Variants in ATP6V0D2 observed in about 807,000 individuals in gnomAD.
ATP6V0D2 encodes ATPase H+ transporting V0 subunit d2.
A neutral mutation model predicts 40.0 loss-of-function variants in ATP6V0D2; 40 were observed. The observed-to-expected ratio is 1.00, with a 90% CI of 0.78 to 1.30. The LOEUF (loss-of-function observed/expected upper bound fraction) is 1.30. Ranked by LOEUF, ATP6V0D2 falls within the 50% of genes most tolerant of loss-of-function variation. ATP6V0D2 has a pLI of 0.00. For synonymous variants in ATP6V0D2, 179 were observed against 156.3 expected (o/e 1.15, Z -1.08); for missense variants, 470 against 423.1 (o/e 1.11, Z -0.97).
chr8:86,099,274 GA>G (rs1040731364), intron 1 of ATP6V0D2, among the ~76,000 whole-genome samples, 166 bp downstream of exon 1: 20 of 150,402 alleles, frequency 1.3e-4, no homozygotes, highest in South Asian at 8.4e-4. Flanking sequence ...CTTGAATGAG[GA>G]AAAAAAAATA....
intron 5 of ATP6V0D2, among the ~76,000 whole-genome samples, chr8:86,148,277 G>T (rs919356336): frequency 1.3e-5 from 2 of 152,068 alleles, no homozygotes; most frequent in Non-Finnish European, 2.9e-5. Context: ...GACAGGACTG[G>T]TTATATTCAG....
chr8:86,143,806 G>T (rs1819009578), intron 5 of ATP6V0D2, among the ~76,000 whole-genome samples: 1 of 152,094 alleles, frequency 6.6e-6, no homozygotes, highest in Admixed American at 6.6e-5. Context: ...GAGTTGCTCT[G>T]GTTCAAATGC....
rs550703341 is a variant in ATP6V0D2 at position 86,146,747 on chromosome 8, C to G, written c.640-3365C>G. On this transcript the variant is annotated intron_variant, in intron 5 of 7. Transcript: ENST00000285393. Reference sequence around the variant, plus strand: ...GTTTTTATTTATACAGAAATATCAGCTACACAGGGCATGAGGTTATAACAT... The same window carrying G: ...GTTTTTATTTATACAGAAATATCAGGTACACAGGGCATGAGGTTATAACAT... Among the ~76,000 whole-genome samples, 15 of 152,198 alleles carry G rather than the reference C, an allele frequency of 9.9e-5. 1 individual carries two copies. The South Asian group carries it at 3.1e-3, about 32-fold the overall frequency.
chr8:86,154,108 T>C lies in ATP6V0D2; in HGVS notation c.*1131T>C, dbSNP rs1225385908. On this transcript the variant is annotated 3_prime_UTR_variant, in exon 8 of 8. Transcript: ENST00000285393. ...GTTTTTGTTTTCTAATATACTTTGA[T>C]GTAATCAGCTTGAGAAAGCAACACA... 1 of 152,132 alleles carries C rather than the reference T, an allele frequency of 6.6e-6. No homozygotes were observed. Among genetic ancestry groups the C allele is most frequent in the African/African-American group, 2.4e-5 (1 of 41,434 alleles). 9.4% of individuals were successfully genotyped at this position (152,132 alleles called of 1,614,324 possible).
chr8:86,099,204 T>A, intron 1 of ATP6V0D2, 96 bp downstream of exon 1: 1 of 1,360,022 alleles, frequency 7.4e-7, no homozygotes, highest in East Asian at 2.6e-5. Context: ...CATAATCATA[T>A]GGTTTGAGAG....
intron 2 of ATP6V0D2, among the ~76,000 whole-genome samples, chr8:86,118,115 A>C (rs1586090111): frequency 4.7e-5 from 3 of 63,722 alleles, no homozygotes; most frequent in Non-Finnish European, 8.8e-5. Context: ...ACGGAGTTTC[A>C]CCCTTGTTGT....
chr8:86,141,570 A>G (rs1202562947), intron 4 of ATP6V0D2, 41 bp downstream of exon 4: 1 of 1,426,354 alleles, frequency 7.0e-7, no homozygotes, highest in Non-Finnish European at 9.7e-7. Context: ...TTGATTACAC[A>G]ATGTATTGTG....
chr8:86,139,168 C>T lies in ATP6V0D2; in HGVS notation c.303-289C>T, dbSNP rs1241552906. On this transcript the variant is annotated intron_variant, in intron 2 of 7. Transcript: ENST00000285393. Reference sequence around the variant, plus strand: ...ACTTGAACCCAGGAGGCGGAGGTTGCAGTAAGCCAAGATTGGGCCACTGCA... The same window carrying T: ...ACTTGAACCCAGGAGGCGGAGGTTGTAGTAAGCCAAGATTGGGCCACTGCA... Among the ~76,000 whole-genome samples, 5 of 148,034 alleles carry T rather than the reference C, an allele frequency of 3.4e-5. No homozygotes were observed. The East Asian group carries it at 9.9e-4, about 29-fold the overall frequency.
chr8:86,108,618 A>G (rs926249617), intron 1 of ATP6V0D2, among the ~76,000 whole-genome samples: 3 of 152,150 alleles, frequency 2.0e-5, no homozygotes, highest in African/African-American at 7.2e-5. Flanking sequence ...TATTTTTAGT[A>G]GAGACGGGGT....
At chr8:86,141,156 C>A (rs1028428365) in intron 3 of ATP6V0D2, among the ~76,000 whole-genome samples, 1 of 152,198 alleles carries the variant, frequency 6.6e-6, no homozygotes, top group African/African-American at 2.4e-5. Context: ...CACTCTCTGG[C>A]CCACTGTTCA....
In ATP6V0D2 at chr8:86,150,275, C is replaced by T. The variant is rs777381409; in HGVS notation, c.803C>T (p.Ala268Val). The T allele has an allele frequency of 1.1e-5, 17 of 1,613,108 alleles. No individual in the cohort carries two copies. The highest frequency in any genetic ancestry group is 3.3e-5 in the Admixed American group (2 of 59,870). ...GACTTTGACCAGATGAAGAACGTAG[C>T]GGATCATTACGGAGTATGTGATGAC... ...AEDFDQMKNV[A>V]DHYGVYKPLF... is the part of the protein sequence containing the mutation. The change falls in exon 6 of 8, where the codon GCG becomes GTG. Residue 268 changes from alanine (A) to valine (V), a missense_variant. By Grantham distance (64) the Ala-to-Val change is moderately conservative. Transcript: ENST00000285393.
chr8:86,113,957 C>G, intron 2 of ATP6V0D2, 77 bp downstream of exon 2: 1 of 1,365,664 alleles, frequency 7.3e-7, no homozygotes, highest in South Asian at 1.6e-5. Context: ...GGGTGGGTAT[C>G]AAGCCAGAGT....
intron 3 of ATP6V0D2, 122 bp from the exon 4 acceptor site, chr8:86,141,328 G>C: frequency 1.6e-6 from 1 of 624,060 alleles, no homozygotes. Flanking sequence ...GGAGTGTATG[G>C]ATTGCAACTC....
chr8:86,131,098 C>T (rs900635), intron 2 of ATP6V0D2, among the ~76,000 whole-genome samples: 151,808 of 152,282 alleles, frequency 1, 75,669 homozygotes, highest in Middle Eastern at 1. Context: ...TTTAATCATA[C>T]ACCTATCATT....
At chr8:86,151,888 A>T (rs111650703) in intron 7 of ATP6V0D2, among the ~76,000 whole-genome samples, 274 of 151,676 alleles carry the variant, frequency 1.8e-3, no homozygotes, top group African/African-American at 6.4e-3. Context: ...TTAGTGTAAA[A>T]TTTTGGTTAA....
At chr8:86,125,900 AT>A (rs969661795) in intron 2 of ATP6V0D2, among the ~76,000 whole-genome samples, 1 of 150,058 alleles carries the variant, frequency 6.7e-6, no homozygotes, top group Non-Finnish European at 1.5e-5. Flanking sequence ...TATTTAATAT[AT>A]TTTTAATTTA....
intron 2 of ATP6V0D2, among the ~76,000 whole-genome samples, chr8:86,127,281 A>G (rs551383045): frequency 7.2e-4 from 109 of 152,324 alleles, no homozygotes; most frequent in African/African-American, 2.5e-3. Context: ...ATAACAAAAA[A>G]TGTTTACCAA....
intron 1 of ATP6V0D2, among the ~76,000 whole-genome samples, chr8:86,109,671 G>A (rs1818508280): frequency 6.6e-6 from 1 of 152,144 alleles, no homozygotes. Context: ...ATTCCTTGGT[G>A]CTGAGAATTC....
intron 2 of ATP6V0D2, among the ~76,000 whole-genome samples, chr8:86,131,951 G>T (rs1818831096): frequency 6.6e-6 from 1 of 152,024 alleles, no homozygotes; most frequent in Non-Finnish European, 1.5e-5. Context: ...GCTTTCCAAG[G>T]GTTATGGAGA....
Sources: gnomAD v4.1 joint callset for allele counts (sites outside exome capture counted in the v4.1 genomes callset) on GRCh38, gnomAD v4.1.1 for gene constraint, MANE v1.5 for transcripts, NCBI Gene and HGNC (gene_info 2026-07-23, HGNC 2026-07-21) for gene names.